Variants in WDR46 observed in about 807,000 individuals in gnomAD.
The protein encoded by WDR46 is WD repeat-containing protein 46.
Under a neutral mutation model 74.7 loss-of-function variants are expected in WDR46, and 58 were observed. That is an observed-to-expected ratio of 0.78 (90% CI 0.63 to 0.97). WDR46 has a LOEUF of 0.97. Ranked by LOEUF, WDR46 falls within the 50% of genes least tolerant of loss-of-function variation. The probability of loss-of-function intolerance (pLI) is 0.00; values close to 1 mark genes in which losing one functional copy is unlikely to be tolerated. For synonymous variants in WDR46, 278 were observed against 297.3 expected, an observed-to-expected ratio of 0.93 and a Z score of 0.67; for missense variants, 702 against 790.1, an observed-to-expected ratio of 0.89 and a Z score of 1.34.
intron 12 of WDR46, 129 bp from the exon 13 acceptor site, chr6:33,279,988 T>TC (rs1297838786): frequency 2.4e-6 from 2 of 841,542 alleles, no homozygotes; most frequent in Non-Finnish European, 3.6e-6. Flanking sequence ...GAGAGCTTTC[T>TC]CTACCTCCAA....
intron 10 of WDR46, chr6:33,284,753 C>G (rs572601975): frequency 2.6e-5 from 4 of 153,672 alleles, no homozygotes; most frequent in African/African-American, 2.4e-5. Flanking sequence ...GAAAAAAAAT[C>G]AAAAGAATAT....
rs377303694 is a variant in WDR46, at chr6:33,285,208, AT to A, written c.1115+1586del. On this transcript the variant is annotated intron_variant, in intron 10 of 14. Coordinates refer to ENST00000374617, the MANE Select transcript of WDR46 (RefSeq NM_005452.6). ...TACACAAATATATTTGATTATTATT[AT>A]TTTTTTTTTCTGAGACCGGGTCTCA... Among the ~76,000 whole-genome samples, 1,191 of 150,452 alleles carry A rather than the reference AT, an allele frequency of 7.9e-3. 15 individuals carry two copies. Among genetic ancestry groups the A allele is most frequent in the Middle Eastern group, 0.041 (12 of 290 alleles).
At chr6:33,281,027 G>C in intron 10 of WDR46, 40 bp from the exon 11 acceptor site, 4 of 1,542,406 alleles carry the variant, frequency 2.6e-6, no homozygotes, top group Non-Finnish European at 3.5e-6. Flanking sequence ...GTCAGTAAAT[G>C]GGTTTACCAA....
intron 12 of WDR46, 106 bp downstream of exon 12, chr6:33,280,322 C>G: frequency 1.6e-6 from 2 of 1,225,880 alleles, no homozygotes; most frequent in South Asian, 1.4e-5. Context: ...CAGGGGGGAA[C>G]CTGACCTTCT....
chr6:33,286,650 C>G (rs1766662886), intron 10 of WDR46, 145 bp downstream of exon 10: 1 of 747,934 alleles, frequency 1.3e-6, no homozygotes, highest in African/African-American at 1.8e-5. Context: ...TGAAATATGC[C>G]TATACTTGCA....
In WDR46 at chr6:33,279,835, C is replaced by A; in HGVS notation, c.1549G>T (p.Asp517Tyr). Residue 517 changes from aspartate (D) to tyrosine (Y), a missense_variant, in exon 13 of 15, where the codon GAC becomes TAC. Asp to Tyr is a radical substitution (Grantham distance 160). Coordinates refer to ENST00000374617, the MANE Select transcript of WDR46 (RefSeq NM_005452.6). ...EKVPAELICLDPRALAEVDVI... is the reference protein window; with the variant it reads ...EKVPAELICLYPRALAEVDVI... ...TCCACCTCGGCCAGGGCTCGTGGGT[C>A]CAGACAAATAAGCTCTGCAGGTACC... 1 of 1,614,054 alleles carries A rather than the reference C, an allele frequency of 6.2e-7. No homozygotes were observed. The highest frequency in any genetic ancestry group is 8.5e-7 in the Non-Finnish European group (1 of 1,179,990).
In WDR46 at chr6:33,288,748, C is replaced by T. The variant is rs1041590894; in HGVS notation, c.280-54G>A. On this transcript the variant is annotated intron_variant, in intron 2 of 14. Coordinates refer to ENST00000374617, the MANE Select transcript of WDR46 (RefSeq NM_005452.6). ...ACAGCCTTGGATTGACCCCAACCCT[C>T]TCACTCTCAAGGAACGAGGCGGCCT... The T allele has an allele frequency of 1.2e-5, 19 of 1,613,202 alleles. No homozygotes were observed. In the African/African-American group the frequency reaches 1.9e-4, roughly 16 times the overall value.
chr6:33,288,386 A>C lies in WDR46; in HGVS notation c.445T>G (p.Ser149Ala). 1 of 1,614,180 alleles carries C rather than the reference A, an allele frequency of 6.2e-7. No individual in the cohort carries two copies. The highest frequency in any genetic ancestry group is 8.5e-7 in the Non-Finnish European group (1 of 1,180,034). The change falls in exon 4 of 15, where the codon TCT becomes GCT. Residue 149 changes from serine (S) to alanine (A), a missense_variant. Coordinates refer to ENST00000374617, the MANE Select transcript of WDR46 (RefSeq NM_005452.6). Reference protein sequence around the residue: ...EEETSIKAARSELLLAEEPGF... With the variant: ...EEETSIKAARAELLLAEEPGF... Reference sequence around the variant, plus strand: ...GGTTCTTCAGCAAGCAGCAGCTCAGAACGAGCAGCTTTGATACTTGTTTCC... The same window carrying C: ...GGTTCTTCAGCAAGCAGCAGCTCAGCACGAGCAGCTTTGATACTTGTTTCC...
intron 12 of WDR46, 121 bp from the exon 13 acceptor site, chr6:33,279,980 G>A: frequency 2.2e-6 from 2 of 913,724 alleles, no homozygotes; most frequent in Non-Finnish European, 1.6e-6. Flanking sequence ...GACATCAGGA[G>A]AGCTTTCTCT....
rs1004404194 is a variant in WDR46, at chr6:33,288,908, T to C, written c.175A>G (p.Lys59Glu). The change falls in exon 2 of 15, where the codon AAA becomes GAA. Residue 59 changes from lysine (K) to glutamate (E), a missense_variant. Lys to Glu is a moderately conservative substitution (Grantham distance 56). Coordinates refer to ENST00000374617, the MANE Select transcript of WDR46 (RefSeq NM_005452.6). The stretch of plus-strand genomic sequence containing the variant: ...GACTTCTTTAAGATGTAAGCATTTT[T>C]TGGTCTCTGAGGACGGAGCTCCCGA... ...KNRELRPQRPKNAYILKKSRI... is the reference protein window; with the variant it reads ...KNRELRPQRPENAYILKKSRI... 6.2e-7 allele frequency: 1 copy of C among 1,614,124 alleles called. No homozygotes were observed. The highest frequency in any genetic ancestry group is 8.5e-7 in the Non-Finnish European group (1 of 1,180,018).
At position 33,287,290 on chromosome 6, in the gene WDR46, G is replaced by T. The variant is rs373434105; in HGVS notation, c.880-64C>A. On this transcript the variant is annotated intron_variant, in intron 8 of 14. Coordinates refer to ENST00000374617, the MANE Select transcript of WDR46 (RefSeq NM_005452.6). ...TGCCCTCTGTATTCCCTCTGCTGGGGTCCTAAAGGAGAGGTGGTCATCCCA... is the reference window on the plus strand; with the variant it reads ...TGCCCTCTGTATTCCCTCTGCTGGGTTCCTAAAGGAGAGGTGGTCATCCCA... 11,478 of 1,612,160 alleles carry T rather than the reference G, an allele frequency of 7.1e-3. 46 individuals carry two copies. The highest frequency in any genetic ancestry group is 8.7e-3 in the Non-Finnish European group (10,301 of 1,178,780).
In WDR46 at chr6:33,280,463, G is replaced by C. The variant is rs191006646; in HGVS notation, c.1489C>G (p.Arg497Gly). ...AGGGCCTTCACCTCCCACTCCTGGC[G>C]CTGCTTCCGGCTTCTGTATGGATTA... The part of the protein sequence containing the change: ...ESNPYRSRKQ[R>G]QEWEVKALLE... The change falls in exon 12 of 15, where the codon CGC (arginine) becomes GGC (glycine). Residue 497 changes from arginine (R) to glycine (G), a missense_variant. Arg to Gly is a moderately radical substitution (Grantham distance 125). Transcript: ENST00000374617. 4 of 1,593,870 alleles carry C rather than the reference G, an allele frequency of 2.5e-6. No homozygotes were observed. Among genetic ancestry groups the C allele is most frequent in the East Asian group, 4.5e-5 (2 of 44,302 alleles).
intron 10 of WDR46, among the ~76,000 whole-genome samples, chr6:33,283,961 T>G (rs1302932618): frequency 6.6e-6 from 1 of 151,678 alleles, no homozygotes; most frequent in African/African-American, 2.4e-5. Context: ...ACCATAGCCA[T>G]GGCCGGGTGC....
intron 9 of WDR46, 51 bp from the exon 10 acceptor site, chr6:33,286,945 T>C: frequency 6.2e-7 from 1 of 1,601,844 alleles, no homozygotes; most frequent in Non-Finnish European, 8.5e-7. Context: ...AGCCTGAGGT[T>C]ACTAAACATG....
At chr6:33,285,881 C>T (rs1766576367) in intron 10 of WDR46, among the ~76,000 whole-genome samples, 1 of 150,856 alleles carries the variant, frequency 6.6e-6, no homozygotes, top group Non-Finnish European at 1.5e-5. Flanking sequence ...TGGCTCACGC[C>T]TGTAATCCCA....
At chr6:33,279,914 C>A in intron 12 of WDR46, 55 bp from the exon 13 acceptor site, 1 of 1,573,504 alleles carries the variant, frequency 6.4e-7, no homozygotes, top group East Asian at 2.3e-5. Context: ...AGGGTAGCAC[C>A]AAAAAGAGAA....
Position 33,286,760 on chromosome 6 carries a change from A to G in WDR46, c.1115+35T>C, listed in dbSNP as rs1353024678. 4 of 1,587,636 alleles carry G rather than the reference A, an allele frequency of 2.5e-6. No individual in the cohort carries two copies. The South Asian group carries it at 4.5e-5, about 18-fold the overall frequency. Reference sequence around the variant, plus strand: ...GCCTTCCACACCTTTCTGCCCACCTATGACTCCTAACACCTCACCCCACCA... The same window carrying G: ...GCCTTCCACACCTTTCTGCCCACCTGTGACTCCTAACACCTCACCCCACCA... On this transcript the variant is annotated intron_variant, in intron 10 of 14. Transcript: ENST00000374617.
In WDR46 at chr6:33,280,764, A is replaced by C; in HGVS notation, c.1339T>G (p.Ser447Ala). 1.2e-6 allele frequency: 2 copies of C among 1,613,946 alleles called. No homozygotes were observed. Among genetic ancestry groups the C allele is most frequent in the Admixed American group, 3.3e-5 (2 of 60,016 alleles). The stretch of plus-strand genomic sequence containing the variant: ...AACTGAAGGCCATGCACAGGGCCTG[A>C]GAGCCGGTGGGTGAGGTAGGGCTGT... ...LEQPYLTHRL[S>A]GPVHGLQFCP... The change falls in exon 11 of 15, where the codon TCA becomes GCA. Residue 447 changes from serine to alanine, a missense_variant. By Grantham distance (99) the Ser-to-Ala change is moderately conservative. Coordinates refer to ENST00000374617, the MANE Select transcript of WDR46 (RefSeq NM_005452.6).
chr6:33,282,285 A>AGAGGACCAGC (rs1354906099), intron 10 of WDR46, among the ~76,000 whole-genome samples: 1 of 152,222 alleles, frequency 6.6e-6, no homozygotes, highest in East Asian at 1.9e-4. Flanking sequence ...GGAGCCCAAG[A>AGAGGACCAGC]GAGGACCAGC....
Sources: allele counts gnomAD v4.1 joint callset (sites outside exome capture counted in the v4.1 genomes callset), GRCh38; gene constraint gnomAD v4.1.1; transcripts MANE v1.5; gene names NCBI Gene and HGNC (gene_info 2026-07-23, HGNC 2026-07-21).